The following FAR2 variants were observed in gnomAD, a reference collection of about 807,000 sequenced individuals.
FAR2 encodes the protein epididymis secretory protein Li 81.
A neutral mutation model predicts 56.0 loss-of-function variants in FAR2; 19 were observed. That is an observed-to-expected ratio of 0.34 (90% confidence interval 0.24 to 0.50). The LOEUF is 0.50. Among genes scored for constraint, FAR2 ranks in the 20% least tolerant of loss-of-function variants. FAR2 has a pLI of 0.98. For synonymous variants in FAR2, 219 were observed against 218.8 expected, an observed-to-expected ratio of 1.00 and a Z score of -0.01; for missense variants, 508 against 642.2, an observed-to-expected ratio of 0.79 and a Z score of 2.26.
At chr12:29,153,710 G>C (rs893933774) in intron 1 of FAR2, among the ~76,000 whole-genome samples, 1 of 152,194 alleles carries the variant, frequency 6.6e-6, no homozygotes, top group Non-Finnish European at 1.5e-5. Flanking sequence ...GCGCAGGTGA[G>C]AGTACTGTCA....
chr12:29,184,280 G>A (rs1238924463), intron 1 of FAR2, among the ~76,000 whole-genome samples: 1 of 152,080 alleles, frequency 6.6e-6, no homozygotes, highest in African/African-American at 2.4e-5. Context: ...ATAAAGAGGT[G>A]TAGGCAAGGT....
chr12:29,332,440 A>G (rs578116910), intron 10 of FAR2, among the ~76,000 whole-genome samples, 160 bp from the exon 11 acceptor site: 1 of 152,246 alleles, frequency 6.6e-6, no homozygotes, highest in Admixed American at 6.5e-5. Context: ...TATTATCAGT[A>G]CCTTTGAAAT....
chr12:29,227,801 T>A (rs1408112060), intron 1 of FAR2, among the ~76,000 whole-genome samples: 1 of 152,098 alleles, frequency 6.6e-6, no homozygotes, highest in Non-Finnish European at 1.5e-5. Context: ...AATTAAAGCC[T>A]TCCTTGTTTT....
chr12:29,321,779 CTGA>C lies in FAR2; in HGVS notation c.1128-13_1128-11del. On this transcript the variant is annotated splice_polypyrimidine_tract_variant and intron_variant, in intron 9 of 11. Coordinates refer to ENST00000536681, the MANE Select transcript of FAR2 (RefSeq NM_001271783.2). The stretch of plus-strand genomic sequence containing the variant: ...GTGGTGCGCTGATATTTACTCCTAT[CTGA>C]TGGTTATCTCAGGATGACAAAGCTC... 1.2e-6 allele frequency: 2 copies of C among 1,611,794 alleles called. No homozygotes were observed. The highest frequency in any genetic ancestry group is 3.3e-5 in the Admixed American group (2 of 59,926).
rs1947599752 is a variant in FAR2, at chr12:29,214,740, GA to G, written c.-38-55670del. On this transcript the variant is annotated intron_variant, in intron 1 of 11. Coordinates refer to ENST00000536681, the MANE Select transcript of FAR2 (RefSeq NM_001271783.2). ...GGAGGCTGAGGCAGGAGAATGGCTT[GA>G]ACCAGGGAGGTGGAAGTTGCAGTGA... Among the ~76,000 whole-genome samples the G allele has an allele frequency of 5.3e-5, 8 of 152,188 alleles. No individual in the cohort carries two copies. In the South Asian group the frequency reaches 1.5e-3, roughly 28 times the overall value.
At position 29,316,961 on chromosome 12, in the gene FAR2, C is replaced by A; in HGVS notation, c.1076C>A (p.Ala359Asp). 6.2e-7 allele frequency: 1 copy of A among 1,613,998 alleles called. No individual in the cohort carries two copies. Residue 359 changes from alanine (A) to aspartate (D), a missense_variant, in exon 9 of 12, where the codon GCC (alanine) becomes GAC (aspartate). By Grantham distance (126) the Ala-to-Asp change is moderately radical. Coordinates refer to ENST00000536681, the MANE Select transcript of FAR2 (RefSeq NM_001271783.2). ...SQYWNAVSHRAPAIIYDCYLR... is the reference protein window; with the variant it reads ...SQYWNAVSHRDPAIIYDCYLR... ...TACTGGAATGCGGTCAGCCACCGGG[C>A]CCCTGCCATTATCTATGACTGCTAT...
chr12:29,239,119 C>T (rs538888576), intron 1 of FAR2, among the ~76,000 whole-genome samples: 1 of 152,248 alleles, frequency 6.6e-6, no homozygotes, highest in South Asian at 2.1e-4. Context: ...ATAAGTAACA[C>T]TCATGGAAGT....
chr12:29,169,149 G>A (rs1591827716), intron 1 of FAR2, among the ~76,000 whole-genome samples: 4 of 152,300 alleles, frequency 2.6e-5, no homozygotes, highest in Admixed American at 2.6e-4. Context: ...AGGAAGTCCA[G>A]CTGGCTTCAC....
intron 1 of FAR2, among the ~76,000 whole-genome samples, chr12:29,194,725 CA>C (rs1460426539): frequency 6.6e-6 from 1 of 152,016 alleles, no homozygotes; most frequent in Non-Finnish European, 1.5e-5. Context: ...GTGAGGGTGG[CA>C]GTGTATGATT....
At chr12:29,256,622 A>G (rs1948321321) in intron 1 of FAR2, among the ~76,000 whole-genome samples, 1 of 151,730 alleles carries the variant, frequency 6.6e-6, no homozygotes, top group African/African-American at 2.4e-5. Context: ...CCACTCCCTC[A>G]CCTTGCAGGG....
At chr12:29,299,413 C>T (rs1407455379) in intron 4 of FAR2, among the ~76,000 whole-genome samples, 1 of 152,062 alleles carries the variant, frequency 6.6e-6, no homozygotes, top group Non-Finnish European at 1.5e-5. Context: ...CAGCACTTTC[C>T]ATCCTCCCTC....
In FAR2 at chr12:29,163,590, C is replaced by T. The variant is rs1261003834; in HGVS notation, c.-39+14183C>T. ...ATGTCCTATGATTCTGCAGCTTCTGCTGAGATAGACTTAATAAATATGATT... is the reference window on the plus strand; with the variant it reads ...ATGTCCTATGATTCTGCAGCTTCTGTTGAGATAGACTTAATAAATATGATT... On this transcript the variant is annotated intron_variant, in intron 1 of 11. Coordinates refer to ENST00000536681, the MANE Select transcript of FAR2 (RefSeq NM_001271783.2). 2.0e-5 allele frequency among the ~76,000 whole-genome samples: 3 copies of T among 152,186 alleles called. No individual in the cohort carries two copies. The East Asian group carries it at 5.8e-4, about 29-fold the overall frequency.
intron 1 of FAR2, among the ~76,000 whole-genome samples, chr12:29,157,788 A>G (rs1273661997): frequency 6.6e-6 from 1 of 152,206 alleles, no homozygotes; most frequent in African/African-American, 2.4e-5. Context: ...TAGGATGGCA[A>G]TTAAGTTATG....
chr12:29,155,313 C>T (rs772909757), intron 1 of FAR2, among the ~76,000 whole-genome samples: 4 of 152,202 alleles, frequency 2.6e-5, no homozygotes, highest in Non-Finnish European at 5.9e-5. Flanking sequence ...CATAGGGCAT[C>T]TGTAGGAACA....
At chr12:29,286,350 T>C (rs1217374700) in intron 2 of FAR2, among the ~76,000 whole-genome samples, 1 of 152,202 alleles carries the variant, frequency 6.6e-6, no homozygotes, top group African/African-American at 2.4e-5. Flanking sequence ...TGCAGGTCTC[T>C]AATCTCTAAG....
intron 1 of FAR2, among the ~76,000 whole-genome samples, chr12:29,182,273 T>C (rs1385025584): frequency 6.6e-6 from 1 of 152,098 alleles, no homozygotes; most frequent in Non-Finnish European, 1.5e-5. Flanking sequence ...GGGACCCGAG[T>C]GGGTTGCAGC....
At chr12:29,298,297 T>G (rs1244757570) in intron 4 of FAR2, among the ~76,000 whole-genome samples, 1 of 117,756 alleles carries the variant, frequency 8.5e-6, no homozygotes, top group Admixed American at 7.9e-5. Flanking sequence ...TTACCTTGTT[T>G]TTTTTTTTTG....
At chr12:29,212,730 C>G (rs998100986) in intron 1 of FAR2, among the ~76,000 whole-genome samples, 2 of 152,152 alleles carry the variant, frequency 1.3e-5, no homozygotes, top group Non-Finnish European at 2.9e-5. Context: ...GTTTTATTAC[C>G]TAAACTTCTT....
intron 1 of FAR2, among the ~76,000 whole-genome samples, chr12:29,264,079 TACTAG>T (rs1195888286): frequency 1.3e-5 from 2 of 151,902 alleles, no homozygotes; most frequent in Non-Finnish European, 2.9e-5. Flanking sequence ...CCCAACAAAA[TACTAG>T]CAAACTGAAA....
Sources: gnomAD v4.1 joint callset for allele counts (sites outside exome capture counted in the v4.1 genomes callset) on GRCh38, gnomAD v4.1.1 for gene constraint, MANE v1.5 for transcripts, NCBI Gene and HGNC (gene_info 2026-07-23, HGNC 2026-07-21) for gene names.